Variants in UGT1A8 observed in about 807,000 individuals in gnomAD.
UGT1A8 encodes the protein UDP-glucuronosyltransferase 1A8.
UGT1A8 carries 39 observed loss-of-function variants against 45.3 expected under a neutral mutation model. The observed-to-expected ratio is 0.86, with a 90% CI of 0.67 to 1.12. The LOEUF (loss-of-function observed/expected upper bound fraction) is 1.12, where lower values mean the gene tolerates loss of function less well. Among genes scored for constraint, UGT1A8 ranks in the 50% most tolerant of loss-of-function variants. The pLI is 0.00. For missense variants in UGT1A8, 719 were observed against 664.9 expected (o/e 1.08, Z -0.90); for synonymous variants, 275 against 249.2 (o/e 1.10, Z -0.97).
rs187591809 is a variant in UGT1A8, at chr2:233,681,835, G to A, written c.855+63273G>A. On this transcript the variant is annotated intron_variant, in intron 1 of 4. Coordinates refer to ENST00000373450, the MANE Select transcript of UGT1A8 (RefSeq NM_019076.5). ...AATTTTTTTTTAAATGAATGAATAA[G>A]TACACGCCTTCTTTTGAGGGCAGGT... 4.5e-4 allele frequency: 682 copies of A among 1,515,910 alleles called. 3 individuals carry two copies. The East Asian group carries it at 4.6e-3, about 10-fold the overall frequency. 93.9% of individuals were successfully genotyped at this position (1,515,910 alleles called of 1,614,324 possible). A position where few individuals can be genotyped will look rare whatever the true frequency, so the allele number is the denominator to read the frequency against.
chr2:233,769,857 C>CAAAA lies in UGT1A8; in HGVS notation c.1295+1432_1295+1435dup. The CAAAA allele has an allele frequency of 4.0e-5, 9 of 223,646 alleles. No individual in the cohort carries two copies. The highest frequency in any genetic ancestry group is 1.1e-4 in the South Asian group (1 of 9,102). The allele number at this position is 223,646 out of a possible 1,614,324, so 13.9% of individuals were successfully genotyped here. On this transcript the variant is annotated intron_variant, in intron 4 of 4. Coordinates refer to ENST00000373450, the MANE Select transcript of UGT1A8 (RefSeq NM_019076.5). The surrounding 1 kb of genome is among the most constrained non-coding windows in gnomAD (Gnocchi z 4.4). ...TGGGCAACAGAGTGAGACCCTGTCTCAAAAAAAAAAAAAAAAATGAAAAGT... is the reference window on the plus strand; with the variant it reads ...TGGGCAACAGAGTGAGACCCTGTCTCAAAAAAAAAAAAAAAAAAAAATGAAAAGT...
intron 1 of UGT1A8, among the ~76,000 whole-genome samples, chr2:233,674,437 G>C (rs1346114422): frequency 6.6e-6 from 1 of 152,066 alleles, no homozygotes; most frequent in Non-Finnish European, 1.5e-5. Context: ...CACCACTTAT[G>C]TGTTGCCTGC....
At chr2:233,690,354 A>G (rs1451688714) in intron 1 of UGT1A8, among the ~76,000 whole-genome samples, 2 of 152,190 alleles carry the variant, frequency 1.3e-5, no homozygotes, top group African/African-American at 2.4e-5. Flanking sequence ...TTAGCACCTT[A>G]GAAGCAAACC....
At chr2:233,642,852 T>C (rs537109496) in intron 1 of UGT1A8, among the ~76,000 whole-genome samples, 61 of 152,040 alleles carry the variant, frequency 4.0e-4, no homozygotes, top group African/African-American at 1.4e-3. Context: ...TTCCCTTACT[T>C]CCTCCCAAAA....
chr2:233,693,817 G>C (rs1367141196), intron 1 of UGT1A8: 1 of 1,614,142 alleles, frequency 6.2e-7, no homozygotes, highest in Admixed American at 1.7e-5. Flanking sequence ...TGCCCAACAT[G>C]GTCTTCATTG....
intron 1 of UGT1A8, among the ~76,000 whole-genome samples, chr2:233,629,864 C>G (rs1461513873): frequency 6.6e-6 from 1 of 152,042 alleles, no homozygotes; most frequent in East Asian, 1.9e-4. Flanking sequence ...CAGTTTGTGT[C>G]TTTAACAAAA....
chr2:233,667,211 T>A (rs2074098096), intron 1 of UGT1A8, among the ~76,000 whole-genome samples: 1 of 152,176 alleles, frequency 6.6e-6, no homozygotes, highest in South Asian at 2.1e-4. Flanking sequence ...TCTAGATCCC[T>A]GAGGAATAGC....
In UGT1A8 at chr2:233,684,602, A is replaced by G. The variant is rs556392560; in HGVS notation, c.855+66040A>G. Among the ~76,000 whole-genome samples, 140 of 152,310 alleles carry G rather than the reference A, an allele frequency of 9.2e-4. 1 individual carries two copies. Among genetic ancestry groups the G allele is most frequent in the African/African-American group, 3.3e-3 (136 of 41,578 alleles). Reference sequence around the variant, plus strand: ...CATTGAGCCATATATAGTTTTACATATTTTGGTTATTTGTATATCTTCAGT... The same window carrying G: ...CATTGAGCCATATATAGTTTTACATGTTTTGGTTATTTGTATATCTTCAGT... On this transcript the variant is annotated intron_variant, in intron 1 of 4. Transcript: ENST00000373450.
intron 1 of UGT1A8, chr2:233,760,670 C>T: frequency 6.2e-7 from 1 of 1,614,098 alleles, no homozygotes; most frequent in Non-Finnish European, 8.5e-7. Context: ...TCTGGCTGTT[C>T]CCACTTACTG....
intron 1 of UGT1A8, chr2:233,747,259 G>A: frequency 6.2e-7 from 1 of 1,600,500 alleles, no homozygotes; most frequent in South Asian, 1.1e-5. Context: ...GGCCACAGGA[G>A]TGCTACTCCT....
At position 233,727,644 on chromosome 2, in the gene UGT1A8, C is replaced by A. The variant is rs139554548; in HGVS notation, c.856-39390C>A. Among the ~76,000 whole-genome samples the A allele has an allele frequency of 3.5e-3, 526 of 152,272 alleles. 4 individuals are homozygous for A. The highest frequency in any genetic ancestry group is 0.012 in the African/African-American group (505 of 41,558). Reference sequence around the variant, plus strand: ...AGAGGTTGCACCCACAGCTGAGAATCCCTTTCTAGTGCTCTATGTCCTTAC... The same window carrying A: ...AGAGGTTGCACCCACAGCTGAGAATACCTTTCTAGTGCTCTATGTCCTTAC... On this transcript the variant is annotated intron_variant, in intron 1 of 4. Transcript: ENST00000373450.
At position 233,718,085 on chromosome 2, in the gene UGT1A8, C is replaced by A. The variant is rs557969051; in HGVS notation, c.856-48949C>A. The A allele has an allele frequency of 1.6e-4, 55 of 337,650 alleles. 1 individual carries two copies. The East Asian group carries it at 4.0e-3, about 25-fold the overall frequency. 20.9% of individuals were successfully genotyped at this position (337,650 alleles called of 1,614,324 possible). On this transcript the variant is annotated intron_variant, in intron 1 of 4. Transcript: ENST00000373450. ...TGGGTCCTTGCTAGGGTTGTCTTGC[C>A]CATGTGTGCTTTAGACAGCAGCACC...
chr2:233,763,186 T>C (rs1029740722), intron 1 of UGT1A8, among the ~76,000 whole-genome samples: 4 of 152,264 alleles, frequency 2.6e-5, no homozygotes, highest in Non-Finnish European at 4.4e-5. Flanking sequence ...TATTTGTTGT[T>C]GCCTTGTTTG....
intron 1 of UGT1A8, among the ~76,000 whole-genome samples, chr2:233,625,176 A>G (rs759191251): frequency 2.6e-5 from 4 of 152,152 alleles, no homozygotes; most frequent in Non-Finnish European, 4.4e-5. Flanking sequence ...TAAAAACATA[A>G]CATATGAAAA....
intron 1 of UGT1A8, chr2:233,729,211 G>A (rs1212388025): frequency 6.2e-7 from 1 of 1,613,958 alleles, no homozygotes; most frequent in African/African-American, 1.3e-5. Flanking sequence ...GGCTGAGAGT[G>A]GAAAGGTGTT....
At chr2:233,725,400 G>A (rs1284897270) in intron 1 of UGT1A8, among the ~76,000 whole-genome samples, 1 of 151,356 alleles carries the variant, frequency 6.6e-6, no homozygotes, top group Non-Finnish European at 1.5e-5. Flanking sequence ...TACCTTGATG[G>A]TCTAATACAG....
chr2:233,674,144 C>G (rs1273610553), intron 1 of UGT1A8, among the ~76,000 whole-genome samples: 1 of 152,128 alleles, frequency 6.6e-6, no homozygotes, highest in Admixed American at 6.5e-5. Context: ...TTACAAGGTT[C>G]AGTAGACTTG....
intron 1 of UGT1A8, among the ~76,000 whole-genome samples, chr2:233,652,989 G>A (rs541338242): frequency 2.3e-4 from 35 of 152,302 alleles, no homozygotes; most frequent in African/African-American, 7.7e-4. Context: ...ACACTTTTGT[G>A]TGTCAAGGAC....
At chr2:233,655,327 G>C (rs2073832343) in intron 1 of UGT1A8, among the ~76,000 whole-genome samples, 1 of 152,126 alleles carries the variant, frequency 6.6e-6, no homozygotes, top group African/African-American at 2.4e-5. Context: ...GGTTTGCCCA[G>C]ATTATTCCCA....
Sources: allele counts gnomAD v4.1 joint callset (sites outside exome capture counted in the v4.1 genomes callset), GRCh38; gene constraint gnomAD v4.1.1; non-coding constraint Gnocchi (gnomAD v3.1); transcripts MANE v1.5; gene names NCBI Gene and HGNC (gene_info 2026-07-23, HGNC 2026-07-21).